Variants in STX18 observed in about 807,000 individuals in gnomAD.
The protein encoded by STX18 is syntaxin-18.
Under a neutral mutation model 50.1 loss-of-function variants are expected in STX18, and 40 were observed. That is an observed-to-expected ratio of 0.80 (90% CI 0.62 to 1.04). The LOEUF (loss-of-function observed/expected upper bound fraction) is 1.04. STX18 is among the 50% of genes least tolerant of loss of function. STX18 has a pLI of 0.00. For missense variants in STX18, 410 were observed against 415.8 expected (o/e 0.99, Z 0.12); for synonymous variants, 158 against 151.8 (o/e 1.04, Z -0.30).
chr4:4,503,931 C>T (rs971394524), intron 1 of STX18, among the ~76,000 whole-genome samples: 3 of 151,998 alleles, frequency 2.0e-5, no homozygotes, highest in Non-Finnish European at 4.4e-5. Flanking sequence ...ATTATTTAAA[C>T]TTACGATAAA....
At chr4:4,507,475 AT>A in intron 1 of STX18, 1 of 762,018 alleles carries the variant, frequency 1.3e-6, no homozygotes, top group Non-Finnish European at 2.5e-6. Context: ...TGGAAAGCAT[AT>A]TATCTTTATC....
intron 1 of STX18, chr4:4,499,702 G>GA (rs1355287570): frequency 3.3e-5 from 7 of 209,800 alleles, no homozygotes; most frequent in Non-Finnish European, 5.8e-5. Context: ...TTCTATCAAC[G>GA]AGATTTATGA....
intron 6 of STX18, among the ~76,000 whole-genome samples, chr4:4,435,904 G>A (rs1577319613): frequency 6.6e-6 from 1 of 152,340 alleles, no homozygotes; most frequent in Middle Eastern, 3.4e-3. Flanking sequence ...CATCACCGGG[G>A]TAGGGTTGGG....
intron 1 of STX18, among the ~76,000 whole-genome samples, chr4:4,513,214 C>G (rs1730086043): frequency 1.3e-5 from 2 of 152,132 alleles, no homozygotes; most frequent in Non-Finnish European, 2.9e-5. Context: ...AGTACCTGTA[C>G]TTTGAGAGTG....
intron 1 of STX18, among the ~76,000 whole-genome samples, chr4:4,510,151 A>C (rs1729931583): frequency 6.6e-6 from 1 of 152,216 alleles, no homozygotes; most frequent in South Asian, 2.1e-4. Flanking sequence ...ATGGGTGCCT[A>C]CTATGTGTCA....
In STX18 at chr4:4,429,661, A is replaced by T. The variant is rs190887899; in HGVS notation, c.703-4439T>A. On this transcript the variant is annotated intron_variant, in intron 7 of 10. Coordinates refer to ENST00000306200, the MANE Select transcript of STX18 (RefSeq NM_016930.4). ...CACCTCGATCCCCTATGATCCCCAT[A>T]ATGTGACAGTAGACGGACTCTGCCG... Among the ~76,000 whole-genome samples, 152 of 152,268 alleles carry T rather than the reference A, an allele frequency of 1.0e-3. 2 individuals are homozygous for T. Among genetic ancestry groups the T allele is most frequent in the Non-Finnish European group, 1.8e-3 (120 of 68,008 alleles).
chr4:4,504,130 C>G (rs1729586097), intron 1 of STX18, among the ~76,000 whole-genome samples: 1 of 152,094 alleles, frequency 6.6e-6, no homozygotes, highest in Non-Finnish European at 1.5e-5. Context: ...ACCATGAGAG[C>G]TGCCTGAAAC....
intron 1 of STX18, among the ~76,000 whole-genome samples, chr4:4,514,216 A>C (rs28623717): frequency 1.2e-4 from 18 of 152,208 alleles, no homozygotes; most frequent in African/African-American, 4.3e-4. Flanking sequence ...TAGATATATG[A>C]ATCAGAAAAA....
intron 1 of STX18, among the ~76,000 whole-genome samples, chr4:4,484,154 G>C (rs552052577): frequency 6.6e-6 from 1 of 152,060 alleles, no homozygotes; most frequent in Non-Finnish European, 1.5e-5. Context: ...GAGCCACCGT[G>C]CCCGGCCCCT....
chr4:4,422,586 AAAAG>A (rs1725026187), intron 9 of STX18, among the ~76,000 whole-genome samples: 2 of 151,612 alleles, frequency 1.3e-5, no homozygotes, highest in African/African-American at 4.9e-5. Context: ...AAAAAAAAGA[AAAAG>A]AAAAAAAAAG....
At chr4:4,451,650 G>A (rs562656562) in intron 5 of STX18, among the ~76,000 whole-genome samples, 7 of 152,038 alleles carry the variant, frequency 4.6e-5, no homozygotes, top group Non-Finnish European at 1.0e-4. Context: ...TGTGACTTTT[G>A]TAACTGTTTT....
intron 2 of STX18, among the ~76,000 whole-genome samples, chr4:4,463,498 G>A (rs1727482740): frequency 6.6e-6 from 1 of 152,186 alleles, no homozygotes; most frequent in Non-Finnish European, 1.5e-5. Flanking sequence ...CACATGGTTC[G>A]TAAGGAGTGG....
intron 5 of STX18, 82 bp downstream of exon 5, chr4:4,457,109 G>C (rs1401966703): frequency 4.1e-5 from 53 of 1,298,600 alleles, no homozygotes; most frequent in Non-Finnish European, 5.8e-5. Flanking sequence ...ACATTGCATA[G>C]GGTAAGTGCT....
intron 2 of STX18, among the ~76,000 whole-genome samples, chr4:4,466,188 GC>G (rs1298354524): frequency 2.0e-5 from 3 of 152,166 alleles, no homozygotes; most frequent in African/African-American, 4.8e-5. Context: ...CAGGGCCAGG[GC>G]AGGCTCTACC....
At chr4:4,463,304 T>A (rs1727474940) in intron 2 of STX18, among the ~76,000 whole-genome samples, 1 of 152,238 alleles carries the variant, frequency 6.6e-6, no homozygotes, top group South Asian at 2.1e-4. Context: ...CAATAAAACT[T>A]TATTATGGGC....
chr4:4,423,296 G>T (rs1477758556), intron 9 of STX18, among the ~76,000 whole-genome samples: 2 of 152,216 alleles, frequency 1.3e-5, no homozygotes. Context: ...GGTGGTCAGT[G>T]GGTCCCCTGT....
At chr4:4,500,094 A>C (rs1729368444) in intron 1 of STX18, among the ~76,000 whole-genome samples, 1 of 152,188 alleles carries the variant, frequency 6.6e-6, no homozygotes, top group Admixed American at 6.5e-5. Context: ...TGTTAAAAAA[A>C]AATTTAGCTC....
chr4:4,505,280 T>A (rs1308695334), intron 1 of STX18, among the ~76,000 whole-genome samples: 1 of 152,236 alleles, frequency 6.6e-6, no homozygotes, highest in African/African-American at 2.4e-5. Flanking sequence ...TAGCCTTGCC[T>A]ACCTTAAGTG....
chr4:4,439,799 C>T (rs1726012537), intron 5 of STX18, among the ~76,000 whole-genome samples: 1 of 152,106 alleles, frequency 6.6e-6, no homozygotes, highest in Non-Finnish European at 1.5e-5. Flanking sequence ...CGGGCTCTTC[C>T]CAGGGCATCG....
Sources: gnomAD v4.1 joint callset for allele counts (sites outside exome capture counted in the v4.1 genomes callset) on GRCh38, gnomAD v4.1.1 for gene constraint, MANE v1.5 for transcripts, NCBI Gene and HGNC (gene_info 2026-07-23, HGNC 2026-07-21) for gene names.